The following PCDH15 variants were observed in gnomAD, a reference collection of about 807,000 sequenced individuals.
The protein encoded by PCDH15 is protocadherin related 15, also known as protocadherin-15.
Under a neutral mutation model 178.5 loss-of-function variants are expected in PCDH15, and 129 were observed. That is an observed-to-expected ratio of 0.72 (90% CI 0.63 to 0.84). The LOEUF (loss-of-function observed/expected upper bound fraction) is 0.84, where lower values mean the gene tolerates loss of function less well. PCDH15 is among the 40% of genes least tolerant of loss of function. The probability of loss-of-function intolerance (pLI) is 0.00; values close to 1 mark genes in which losing one functional copy is unlikely to be tolerated. For synonymous variants in PCDH15, 800 were observed against 732.0 expected (o/e 1.09, Z -1.50); for missense variants, 2,230 against 2,099.9 (o/e 1.06, Z -1.21).
chr10:54,556,940 T>A (rs1192328253), intron 2 of PCDH15, among the ~76,000 whole-genome samples: 2 of 151,912 alleles, frequency 1.3e-5, no homozygotes, highest in East Asian at 1.9e-4. Context: ...TTATTTGGCC[T>A]TCCTAATTAT....
chr10:55,495,759 C>T (rs1840519018), intron 2 of PCDH15, among the ~76,000 whole-genome samples: 1 of 151,808 alleles, frequency 6.6e-6, no homozygotes, highest in African/African-American at 2.4e-5. Flanking sequence ...TGAAAACACA[C>T]TCCCACACAA....
intron 2 of PCDH15, among the ~76,000 whole-genome samples, chr10:54,954,695 T>TA (rs1838436365): frequency 6.6e-6 from 1 of 151,296 alleles, no homozygotes; most frequent in South Asian, 2.1e-4. Context: ...CAAAAATACT[T>TA]ACACCAATTT....
rs116151120 is a variant in PCDH15, at chr10:55,544,055, C to T, written c.-156+83570G>A. On this transcript the variant is annotated intron_variant, in intron 2 of 5. Coordinates refer to the PCDH15 transcript ENST00000613346. Reference sequence around the variant, plus strand: ...TTGATGTAAACAACTTCTGATTAAACGCCATTTATTCACGGAACCAGGTAA... The same window carrying T: ...TTGATGTAAACAACTTCTGATTAAATGCCATTTATTCACGGAACCAGGTAA... 3.0e-3 allele frequency among the ~76,000 whole-genome samples: 445 copies of T among 148,228 alleles called. 1 individual carries two copies. Among genetic ancestry groups the T allele is most frequent in the South Asian group, 0.012 (58 of 4,734 alleles).
At chr10:55,028,060 A>C (rs185609051) in intron 2 of PCDH15, among the ~76,000 whole-genome samples, 1 of 151,924 alleles carries the variant, frequency 6.6e-6, no homozygotes, top group Admixed American at 6.6e-5. Flanking sequence ...CAGCAAAAGT[A>C]ATTGAACTCA....
chr10:54,319,371 T>C (rs1240192051), intron 7 of PCDH15, among the ~76,000 whole-genome samples: 2 of 152,156 alleles, frequency 1.3e-5, no homozygotes, highest in Admixed American at 1.3e-4. Context: ...AGTACTGATA[T>C]ATACAACAAC....
At chr10:54,895,167 G>A (rs924489532) in intron 3 of PCDH15, among the ~76,000 whole-genome samples, 1 of 152,142 alleles carries the variant, frequency 6.6e-6, no homozygotes, top group Admixed American at 6.5e-5. Context: ...ACCCTGTTAA[G>A]AGTAGAACAA....
At chr10:54,348,416 G>C (rs1375549232) in intron 5 of PCDH15, among the ~76,000 whole-genome samples, 1 of 152,132 alleles carries the variant, frequency 6.6e-6, no homozygotes, top group East Asian at 1.9e-4. Flanking sequence ...ACTGGGGATA[G>C]ATTTAGTAGA....
At chr10:55,378,726 A>C (rs888189134) in intron 2 of PCDH15, among the ~76,000 whole-genome samples, 3 of 152,128 alleles carry the variant, frequency 2.0e-5, no homozygotes, top group African/African-American at 4.8e-5. Flanking sequence ...AATTATGATC[A>C]ATACATTTGA....
chr10:55,525,698 G>T (rs1484891683), intron 2 of PCDH15, among the ~76,000 whole-genome samples: 2 of 151,842 alleles, frequency 1.3e-5, no homozygotes, highest in Non-Finnish European at 2.9e-5. Context: ...CAATTTGACA[G>T]ACAATGTAAT....
At chr10:54,719,339 T>C (rs1260393595) in intron 1 of PCDH15, among the ~76,000 whole-genome samples, 2 of 152,050 alleles carry the variant, frequency 1.3e-5, no homozygotes, top group Admixed American at 6.6e-5. Flanking sequence ...TTTTAAAAAC[T>C]TAACAAAGCC....
At chr10:54,960,235 A>T (rs941929527) in intron 2 of PCDH15, among the ~76,000 whole-genome samples, 4 of 152,192 alleles carry the variant, frequency 2.6e-5, no homozygotes, top group African/African-American at 9.7e-5. Context: ...TTGCCCAATA[A>T]TTCAAGTTGT....
chr10:55,371,899 G>A (rs979255333), intron 2 of PCDH15, among the ~76,000 whole-genome samples: 2 of 152,070 alleles, frequency 1.3e-5, no homozygotes, highest in Non-Finnish European at 2.9e-5. Context: ...GAAGTATGTA[G>A]GTAAAGGTGG....
chr10:55,534,900 C>G (rs936274583), intron 2 of PCDH15, among the ~76,000 whole-genome samples: 3 of 152,152 alleles, frequency 2.0e-5, no homozygotes, highest in African/African-American at 7.2e-5. Flanking sequence ...ATAATAAAAT[C>G]ATGTCCTTCA....
chr10:55,275,386 T>G (rs543973675), intron 1 of PCDH15, among the ~76,000 whole-genome samples: 25 of 152,200 alleles, frequency 1.6e-4, no homozygotes, highest in Middle Eastern at 3.4e-3. Context: ...TTCCCAGATT[T>G]AAGAAATTCT....
At chr10:54,704,871 C>G (rs972581215) in intron 1 of PCDH15, among the ~76,000 whole-genome samples, 1 of 152,122 alleles carries the variant, frequency 6.6e-6, no homozygotes, top group Non-Finnish European at 1.5e-5. Flanking sequence ...AAGGCACATG[C>G]ATGAGTATGT....
chr10:53,812,455 A>C (rs1426275100), intron 35 of PCDH15, among the ~76,000 whole-genome samples: 1 of 151,936 alleles, frequency 6.6e-6, no homozygotes, highest in African/African-American at 2.4e-5. Context: ...CCTCGTGATC[A>C]GCCCCAATCG....
At chr10:55,385,707 A>ATATATATATATATATATATATATG (rs1429693586) in intron 2 of PCDH15, among the ~76,000 whole-genome samples, 2 of 146,480 alleles carry the variant, frequency 1.4e-5, no homozygotes, top group African/African-American at 5.0e-5. Flanking sequence ...ATATATATAT[A>ATATATATATATATATATATATATG]TATATATATA....
intron 1 of PCDH15, among the ~76,000 whole-genome samples, chr10:55,269,892 T>C (rs1380197461): frequency 6.6e-6 from 1 of 152,118 alleles, no homozygotes; most frequent in Non-Finnish European, 1.5e-5. Flanking sequence ...ACTATAAGGC[T>C]ATAGTAACCA....
At chr10:54,570,997 G>A (rs2089759608) in intron 2 of PCDH15, among the ~76,000 whole-genome samples, 1 of 151,762 alleles carries the variant, frequency 6.6e-6, no homozygotes, top group African/African-American at 2.4e-5. Context: ...CAGCCCTGAT[G>A]ATGAATTCTT....
Sources: allele counts gnomAD v4.1 joint callset (sites outside exome capture counted in the v4.1 genomes callset), GRCh38; gene constraint gnomAD v4.1.1; transcripts MANE v1.5; gene names NCBI Gene and HGNC (gene_info 2026-07-23, HGNC 2026-07-21).